The following GNB1 variants were observed in gnomAD, a reference collection of about 807,000 sequenced individuals.
GNB1 encodes the protein guanine nucleotide-binding protein G(I)/G(S)/G(T) subunit beta-1.
Under a neutral mutation model 42.9 loss-of-function variants are expected in GNB1, and 2 were observed. The ratio of observed to expected loss-of-function variants is 0.05; its 90% CI spans 0.02 to 0.15. The LOEUF (loss-of-function observed/expected upper bound fraction) is 0.15. GNB1 is among the 10% of genes least tolerant of loss of function. The pLI, the probability that GNB1 is intolerant of heterozygous loss-of-function variation, is 1.00. For missense variants in GNB1, 193 were observed against 462.2 expected (o/e 0.42, Z 5.34); for synonymous variants, 183 against 174.7 (o/e 1.05, Z -0.38).
chr1:1,839,140 T>TTATA (rs796529840), intron 2 of GNB1, 50 bp downstream of exon 2: 28 of 152,222 alleles, frequency 1.8e-4, no homozygotes, highest in African/African-American at 6.5e-4. Context: ...CTGAAGAAAT[T>TTATA]TATATATTGT....
chr1:1,876,564 T>C (rs1188374358), intron 1 of GNB1, among the ~76,000 whole-genome samples: 2 of 150,250 alleles, frequency 1.3e-5, no homozygotes, highest in East Asian at 1.9e-4. Flanking sequence ...CGCACACACA[T>C]GCAAAAATGG....
chr1:1,857,099 A>T (rs1490554794), intron 1 of GNB1, among the ~76,000 whole-genome samples: 1 of 152,226 alleles, frequency 6.6e-6, no homozygotes, highest in East Asian at 1.9e-4. Context: ...TATTAACTAC[A>T]TCTTTTAGGA....
At chr1:1,824,266 T>G (rs1028616401) in intron 3 of GNB1, among the ~76,000 whole-genome samples, 1 of 152,162 alleles carries the variant, frequency 6.6e-6, no homozygotes, top group African/African-American at 2.4e-5. Flanking sequence ...CTATAAAATA[T>G]TTACTAGAAG....
chr1:1,788,453 C>G (rs1036050827), intron 10 of GNB1: 1 of 155,468 alleles, frequency 6.4e-6, no homozygotes, highest in African/African-American at 2.4e-5. Context: ...CTGGTCCCCC[C>G]AGGCTGGGGA....
intron 2 of GNB1, among the ~76,000 whole-genome samples, chr1:1,832,787 GA>G (rs1647094582): frequency 6.6e-6 from 1 of 152,124 alleles, no homozygotes; most frequent in South Asian, 2.1e-4. Flanking sequence ...ATAGGGTACA[GA>G]TATTGAAAAA....
chr1:1,857,659 T>C (rs1054109060), intron 1 of GNB1, among the ~76,000 whole-genome samples: 1 of 152,142 alleles, frequency 6.6e-6, no homozygotes. Flanking sequence ...CTTCTCTACA[T>C]GTGCACTTAT....
chr1:1,832,560 A>G (rs1647091627), intron 2 of GNB1, among the ~76,000 whole-genome samples: 1 of 152,242 alleles, frequency 6.6e-6, no homozygotes, highest in Non-Finnish European at 1.5e-5. Context: ...CATCTTTGTG[A>G]GTCAAGTGTT....
At position 1,850,082 on chromosome 1, in the gene GNB1, C is replaced by A. The variant is rs138195271; in HGVS notation, c.-95-10844G>T. On this transcript the variant is annotated intron_variant, in intron 1 of 11. Transcript: ENST00000378609. ...CTCCCAGGTTCAAGTGATTGTCCTG[C>A]CTCAGCCTGAGTAGCTGGGATTACA... is the stretch of plus-strand genomic sequence containing the variant. Among the ~76,000 whole-genome samples the A allele has an allele frequency of 2.3e-3, 345 of 152,184 alleles. 2 individuals carry two copies. Among genetic ancestry groups the A allele is most frequent in the African/African-American group, 7.6e-3 (314 of 41,514 alleles).
chr1:1,809,589 G>A (rs553956674), intron 5 of GNB1, among the ~76,000 whole-genome samples: 8 of 152,088 alleles, frequency 5.3e-5, no homozygotes, highest in East Asian at 1.9e-4. Context: ...ACTTTCTGTC[G>A]AGTATCAGAG....
rs1348691992 is a variant in GNB1, at chr1:1,787,667, AG to A, written c.917-231del. Among the ~76,000 whole-genome samples the A allele has an allele frequency of 6.6e-6, 1 of 152,168 alleles. No homozygotes were observed. The highest frequency in any genetic ancestry group is 6.5e-5 in the Admixed American group (1 of 15,268). Reference sequence around the variant, plus strand: ...ACACACACGCAATCGATAAATCCAGAGCCCCTGGCATTGACTTCTCAGCACT... The same window carrying A: ...ACACACACGCAATCGATAAATCCAGACCCCTGGCATTGACTTCTCAGCACT... On this transcript the variant is annotated intron_variant, in intron 10 of 11. Transcript: ENST00000378609. This position sits in a 1 kb window ranked among gnomAD's most constrained non-coding sequence, Gnocchi z 4.4.
chr1:1,877,850 A>G (rs778398156), intron 1 of GNB1, among the ~76,000 whole-genome samples: 6 of 152,324 alleles, frequency 3.9e-5, no homozygotes, highest in South Asian at 2.1e-4. Flanking sequence ...GTTGAGTTAC[A>G]TAAGATTTAG....
chr1:1,838,679 C>T (rs572787477), intron 2 of GNB1, among the ~76,000 whole-genome samples: 1 of 152,086 alleles, frequency 6.6e-6, no homozygotes, highest in African/African-American at 2.4e-5. Flanking sequence ...CTCCTGACCT[C>T]GTGATCCACC....
At chr1:1,847,789 T>G (rs1647750872) in intron 1 of GNB1, among the ~76,000 whole-genome samples, 1 of 150,832 alleles carries the variant, frequency 6.6e-6, no homozygotes, top group African/African-American at 2.4e-5. Flanking sequence ...TTTAAAAGGG[T>G]AGGGGGGTGG....
At chr1:1,860,072 AAAG>A (rs543610054) in intron 1 of GNB1, among the ~76,000 whole-genome samples, 178 of 152,314 alleles carry the variant, frequency 1.2e-3, no homozygotes, top group African/African-American at 3.2e-3. Context: ...AAAAGTAAAC[AAAG>A]AAGAAGTAAA....
intron 4 of GNB1, among the ~76,000 whole-genome samples, chr1:1,816,366 T>C (rs551188100): frequency 5.9e-5 from 9 of 152,172 alleles, no homozygotes; most frequent in Non-Finnish European, 8.8e-5. Flanking sequence ...ATCCTACATA[T>C]AGACACTGAT....
intron 2 of GNB1, among the ~76,000 whole-genome samples, chr1:1,828,630 G>C (rs568644865): frequency 6.6e-6 from 1 of 152,158 alleles, no homozygotes; most frequent in African/African-American, 2.4e-5. Flanking sequence ...CATGCAAAGA[G>C]AAAAAAACCA....
chr1:1,869,712 CGAAA>C (rs1342756387), intron 1 of GNB1, among the ~76,000 whole-genome samples: 5 of 152,078 alleles, frequency 3.3e-5, no homozygotes, highest in Admixed American at 6.6e-5. Flanking sequence ...CTCCCAACCC[CGAAA>C]GAAAGTCTCT....
intron 1 of GNB1, among the ~76,000 whole-genome samples, chr1:1,876,966 T>C (rs1364334131): frequency 1.3e-5 from 2 of 152,072 alleles, no homozygotes; most frequent in Admixed American, 6.6e-5. Context: ...TGAATGACAT[T>C]TGGAAACAAT....
At chr1:1,806,648 T>C (rs1646698912) in intron 5 of GNB1, 110 bp from the exon 6 acceptor site, 11 of 657,148 alleles carry the variant, frequency 1.7e-5, no homozygotes, top group Admixed American at 8.3e-5. Context: ...CCATGTTACA[T>C]GTGCTTCAGA....
Sources: gnomAD v4.1 joint callset for allele counts (sites outside exome capture counted in the v4.1 genomes callset) on GRCh38, gnomAD v4.1.1 for gene constraint, Gnocchi (gnomAD v3.1) non-coding constraint, MANE v1.5 for transcripts, NCBI Gene and HGNC (gene_info 2026-07-23, HGNC 2026-07-21) for gene names.